AGBL1: variants seen among roughly 807,000 people sequenced by gnomAD.
AGBL1 encodes the protein AGBL carboxypeptidase 1.
Under a neutral mutation model 118.9 loss-of-function variants are expected in AGBL1, and 130 were observed. The ratio of observed to expected loss-of-function variants is 1.09; its 90% CI spans 0.95 to 1.26. The LOEUF (loss-of-function observed/expected upper bound fraction) is 1.26, where lower values mean the gene tolerates loss of function less well. Among genes scored for constraint, AGBL1 ranks in the 50% most tolerant of loss-of-function variants. The pLI, the probability that AGBL1 is intolerant of heterozygous loss-of-function variation, is 0.00. For synonymous variants in AGBL1, 555 were observed against 478.9 expected (o/e 1.16, Z -2.08); for missense variants, 1,584 against 1,298.1 (o/e 1.22, Z -3.38).
intron 22 of AGBL1, among the ~76,000 whole-genome samples, chr15:86,804,102 C>A (rs16978003): frequency 0.041 from 6,298 of 152,004 alleles, 285 homozygotes; most frequent in South Asian, 0.11. Context: ...ACAAAGGGAT[C>A]ATGGGAAGTG....
At chr15:86,893,416 C>T (rs1402670590) in intron 22 of AGBL1, among the ~76,000 whole-genome samples, 1 of 152,168 alleles carries the variant, frequency 6.6e-6, no homozygotes, top group African/African-American at 2.4e-5. Flanking sequence ...GGGTTTTGTT[C>T]ACCCTGTTAG....
At chr15:86,394,456 T>C (rs2081334370) in intron 17 of AGBL1, among the ~76,000 whole-genome samples, 2 of 152,166 alleles carry the variant, frequency 1.3e-5, no homozygotes, top group African/African-American at 4.8e-5. Flanking sequence ...CACGAATGCA[T>C]GTCATTCAAG....
chr15:86,679,081 A>T (rs760586482), intron 22 of AGBL1, among the ~76,000 whole-genome samples: 1 of 151,982 alleles, frequency 6.6e-6, no homozygotes, highest in Non-Finnish European at 1.5e-5. Flanking sequence ...ATTTTCACTG[A>T]TGCACTCTAT....
chr15:86,644,851 C>CAA (rs11434077), intron 21 of AGBL1, among the ~76,000 whole-genome samples: 29,355 of 99,538 alleles, frequency 0.29, 4,316 homozygotes, highest in East Asian at 0.4. Context: ...ACTAAAAATA[C>CAA]AAAAAAAAAA....
chr15:86,852,981 A>G (rs2079427972), intron 22 of AGBL1, among the ~76,000 whole-genome samples: 1 of 152,216 alleles, frequency 6.6e-6, no homozygotes. Flanking sequence ...ATTTGTGGTC[A>G]GAGTTGAAAG....
chr15:86,863,504 C>G (rs540744420), intron 22 of AGBL1, among the ~76,000 whole-genome samples: 2 of 151,998 alleles, frequency 1.3e-5, no homozygotes, highest in African/African-American at 4.8e-5. Flanking sequence ...AAGCTCACCA[C>G]CAGTGCCTGT....
At chr15:86,079,818 T>A (rs1157816183), upstream of AGBL1, 2 of 434,146 alleles carry the variant, frequency 4.6e-6, no homozygotes, top group East Asian at 3.6e-5. Context: ...AGGTCTAGGG[T>A]TGCACCGCGC....
At chr15:86,493,086 C>A (rs558090345) in intron 18 of AGBL1, among the ~76,000 whole-genome samples, 29 of 152,026 alleles carry the variant, frequency 1.9e-4, no homozygotes, top group Middle Eastern at 3.4e-3. Context: ...CCCAGCTACT[C>A]AGGAGGCTGA....
At chr15:86,560,923 C>T (rs144831412) in intron 21 of AGBL1, among the ~76,000 whole-genome samples, 2,687 of 152,278 alleles carry the variant, frequency 0.018, 28 homozygotes, top group South Asian at 0.041. Context: ...TGTCTGTTGG[C>T]GGCATAAATG....
chr15:86,856,158 G>A (rs1056963803), intron 22 of AGBL1, among the ~76,000 whole-genome samples: 2 of 152,138 alleles, frequency 1.3e-5, no homozygotes, highest in Non-Finnish European at 2.9e-5. Context: ...GTTAGCTCCA[G>A]GCTATGTCTT....
intron 18 of AGBL1, among the ~76,000 whole-genome samples, chr15:86,478,903 C>G (rs12910463): frequency 0.94 from 143,363 of 152,252 alleles, 67,977 homozygotes; most frequent in African/African-American, 0.99. Flanking sequence ...CAATGGAACA[C>G]AACAGAGCAC....
intron 18 of AGBL1, among the ~76,000 whole-genome samples, chr15:86,470,605 T>A (rs2082466990): frequency 6.6e-6 from 1 of 152,326 alleles, no homozygotes; most frequent in South Asian, 2.1e-4. Context: ...AGGGATGGCA[T>A]TGAAGTTGTA....
chr15:86,938,705 G>A lies in AGBL1; in HGVS notation c.3222-49282G>A, dbSNP rs533047110. On this transcript the variant is annotated intron_variant, in intron 23 of 24. Transcript: ENST00000441037. ...GAGCAGCAGCCGTAGTTCTAAGGATGGGTGGATATCAGAGTTGAAGTACCA... is the reference window on the plus strand; with the variant it reads ...GAGCAGCAGCCGTAGTTCTAAGGATAGGTGGATATCAGAGTTGAAGTACCA... 3.3e-5 allele frequency: 5 copies of A among 152,268 alleles called. No individual in the cohort carries two copies. The East Asian group carries it at 9.7e-4, about 29-fold the overall frequency. The allele number at this position is 152,268 out of a possible 1,614,324, so 9.4% of individuals were successfully genotyped here. A position where few individuals can be genotyped will look rare whatever the true frequency, so the allele number is the denominator to read the frequency against.
intron 22 of AGBL1, among the ~76,000 whole-genome samples, chr15:86,765,868 G>A (rs1274707191): frequency 1.3e-5 from 2 of 151,950 alleles, no homozygotes; most frequent in African/African-American, 2.4e-5. Flanking sequence ...GGTGGTTTCA[G>A]TAGACTGAGC....
Position 86,546,148 on chromosome 15 carries a change from G to C in AGBL1, c.2817+15G>C. ...TCAACTACAGGGTAAGCCGCTGTGG[G>C]GAATGACATCAGACATGCTGTGTTC... On this transcript the variant is annotated intron_variant, in intron 20 of 22. Coordinates refer to ENST00000614907, the MANE Select transcript of AGBL1 (RefSeq NM_001386094.1). 1 of 1,606,458 alleles carries C rather than the reference G, an allele frequency of 6.2e-7. No homozygotes were observed. Among genetic ancestry groups the C allele is most frequent in the Admixed American group, 1.7e-5 (1 of 59,706 alleles).
downstream of AGBL1, among the ~76,000 whole-genome samples, chr15:86,918,823 C>G (rs750719707): frequency 2.6e-5 from 4 of 152,196 alleles, no homozygotes; most frequent in Non-Finnish European, 5.9e-5. Context: ...GAATTTCAAA[C>G]AGTGGTTAAG....
At chr15:87,025,812 A>T (rs146078933) in intron 24 of AGBL1, among the ~76,000 whole-genome samples, 1 of 152,200 alleles carries the variant, frequency 6.6e-6, no homozygotes, top group East Asian at 1.9e-4. Context: ...GAATAGGCAC[A>T]TAGACTAATG....
At chr15:86,731,619 G>A (rs1039332261) in intron 22 of AGBL1, among the ~76,000 whole-genome samples, 4 of 152,208 alleles carry the variant, frequency 2.6e-5, no homozygotes, top group Non-Finnish European at 4.4e-5. Context: ...AATGCTGGCA[G>A]ATGAGACTTG....
At chr15:86,441,383 C>T (rs985758313) in intron 18 of AGBL1, among the ~76,000 whole-genome samples, 1 of 152,146 alleles carries the variant, frequency 6.6e-6, no homozygotes, top group Non-Finnish European at 1.5e-5. Flanking sequence ...AATTCTTCAG[C>T]GGCTCTCTCC....
Sources: gnomAD v4.1 joint callset for allele counts (sites outside exome capture counted in the v4.1 genomes callset) on GRCh38, gnomAD v4.1.1 for gene constraint, MANE v1.5 for transcripts, NCBI Gene and HGNC (gene_info 2026-07-23, HGNC 2026-07-21) for gene names.